Variants in SASH1 observed in about 807,000 individuals in gnomAD.
SASH1 encodes the protein SAM and SH3 domain-containing protein 1.
Under a neutral mutation model 125.2 loss-of-function variants are expected in SASH1, and 44 were observed. That is an observed-to-expected ratio of 0.35 (90% CI 0.28 to 0.45). SASH1 has a LOEUF of 0.45. Ranked by LOEUF, SASH1 falls within the 20% of genes least tolerant of loss-of-function variation. The pLI is 1.00. For synonymous variants in SASH1, 639 were observed against 649.1 expected (o/e 0.98, Z 0.24); for missense variants, 1,426 against 1,614.5 (o/e 0.88, Z 2.00).
At chr6:148,269,438 G>A (rs1779011603), upstream of SASH1, among the ~76,000 whole-genome samples, 1 of 152,100 alleles carries the variant, frequency 6.6e-6, no homozygotes, top group Non-Finnish European at 1.5e-5. Context: ...CCCAGCAAAT[G>A]TTTCAAATAG....
At chr6:148,497,820 A>G (rs1167064997) in intron 8 of SASH1, among the ~76,000 whole-genome samples, 2 of 152,208 alleles carry the variant, frequency 1.3e-5, no homozygotes, top group African/African-American at 2.4e-5. Flanking sequence ...TGGGTCTGGT[A>G]TGATTTTAGT....
At chr6:148,250,663 A>G in the SASH1 span, among the ~76,000 whole-genome samples, 1 of 152,180 alleles carries the variant, frequency 6.6e-6, no homozygotes, top group Middle Eastern at 3.4e-3. Context: ...TTCCTGTTGA[A>G]TTAATTACTT....
chr6:148,441,663 G>A (rs1337296241), intron 4 of SASH1, among the ~76,000 whole-genome samples: 1 of 152,180 alleles, frequency 6.6e-6, no homozygotes. Context: ...CATGATTCAG[G>A]CTGAGAGCTC....
chr6:148,510,514 C>A (rs1362232233), intron 8 of SASH1, among the ~76,000 whole-genome samples: 3 of 152,074 alleles, frequency 2.0e-5, no homozygotes, highest in African/African-American at 7.2e-5. Context: ...AGTGCTGAAC[C>A]TATTTCTTAG....
At chr6:148,367,120 C>T (rs1782494192) in intron 1 of SASH1, among the ~76,000 whole-genome samples, 1 of 152,028 alleles carries the variant, frequency 6.6e-6, no homozygotes, top group Non-Finnish European at 1.5e-5. Context: ...GGCAGGGTTT[C>T]ACCACATTGG....
At chr6:148,387,958 C>T (rs1783543092) in intron 1 of SASH1, among the ~76,000 whole-genome samples, 1 of 135,062 alleles carries the variant, frequency 7.4e-6, no homozygotes, top group African/African-American at 2.8e-5. Flanking sequence ...TCTTGTTGCC[C>T]AGGCTGGAGT....
At chr6:148,518,893 CCTGGCTGCTCCTAGTGA>C (rs1780629061) in intron 9 of SASH1, among the ~76,000 whole-genome samples, 1 of 152,168 alleles carries the variant, frequency 6.6e-6, no homozygotes, top group African/African-American at 2.4e-5. Context: ...CCTTAAACGC[CCTGGCTGCTCCTAGTGA>C]GGCCTGAGTT....
chr6:148,343,049 CCG>C lies in SASH1; in HGVS notation c.-12_-11del. The C allele has an allele frequency of 7.9e-7, 1 of 1,271,418 alleles. No homozygotes were observed. The highest frequency in any genetic ancestry group is 2.6e-5 in the South Asian group (1 of 38,624). The allele number at this position is 1,271,418 out of a possible 1,614,324, so 78.8% of individuals were successfully genotyped here. A position where few individuals can be genotyped will look rare whatever the true frequency, so the allele number is the denominator to read the frequency against. On this transcript the variant is annotated 5_prime_UTR_variant, in exon 1 of 20. Coordinates refer to ENST00000367467, the MANE Select transcript of SASH1 (RefSeq NM_015278.5). ...CGCCGCGGGGACTGGGACGCACGGC[CCG>C]CGCGCGGGACACGGCCATGGAGGAC... is the stretch of plus-strand genomic sequence containing the variant.
chr6:148,319,145 G>A (rs1780571071), intron 1 of SASH1, among the ~76,000 whole-genome samples: 1 of 139,724 alleles, frequency 7.2e-6, no homozygotes, highest in African/African-American at 2.7e-5. Flanking sequence ...CCATTCTCCT[G>A]CCTCAGCCTC....
intron 9 of SASH1, among the ~76,000 whole-genome samples, chr6:148,517,805 C>A (rs1780530192): frequency 6.6e-6 from 1 of 152,170 alleles, no homozygotes; most frequent in South Asian, 2.1e-4. Context: ...AGCACAGAGC[C>A]CAGAAAATGT....
the SASH1 span, among the ~76,000 whole-genome samples, chr6:148,236,138 C>T: frequency 6.6e-6 from 1 of 152,244 alleles, no homozygotes; most frequent in East Asian, 1.9e-4. Context: ...GAAACTATCC[C>T]AAGCTATTCC....
chr6:148,246,480 C>T, the SASH1 span, among the ~76,000 whole-genome samples: 1 of 152,128 alleles, frequency 6.6e-6, no homozygotes, highest in Non-Finnish European at 1.5e-5. Context: ...CACATTTTTC[C>T]ATAAAGGGAT....
intron 8 of SASH1, among the ~76,000 whole-genome samples, chr6:148,501,740 C>T (rs1779568789): frequency 6.6e-6 from 1 of 152,156 alleles, no homozygotes; most frequent in African/African-American, 2.4e-5. Flanking sequence ...CACTCTCTCC[C>T]CCCACCCATT....
chr6:148,495,993 G>A lies in SASH1; in HGVS notation c.729+8278G>A, dbSNP rs1489710117. Among the ~76,000 whole-genome samples the A allele has an allele frequency of 2.0e-5, 3 of 147,582 alleles. No individual in the cohort carries two copies. Among genetic ancestry groups the A allele is most frequent in the Admixed American group, 6.9e-5 (1 of 14,534 alleles). On this transcript the variant is annotated intron_variant, in intron 8 of 19. Coordinates refer to ENST00000367467, the MANE Select transcript of SASH1 (RefSeq NM_015278.5). This position sits in a 1 kb window ranked among gnomAD's most constrained non-coding sequence, Gnocchi z 4.0. Reference sequence around the variant, plus strand: ...TGGGATTACAGGCGCACGCCATCACGCCTGGCTAATTTTTTTTTTTTTTTT... The same window carrying A: ...TGGGATTACAGGCGCACGCCATCACACCTGGCTAATTTTTTTTTTTTTTTT...
intron 1 of SASH1, among the ~76,000 whole-genome samples, chr6:148,360,604 G>GC (rs1782153045): frequency 6.8e-6 from 1 of 146,058 alleles, no homozygotes; most frequent in African/African-American, 2.5e-5. Context: ...TGCCACCTTG[G>GC]CCCCCCAGTG....
the SASH1 span, among the ~76,000 whole-genome samples, chr6:148,231,484 T>C: frequency 1.3e-5 from 2 of 152,174 alleles, no homozygotes; most frequent in Non-Finnish European, 2.9e-5. Flanking sequence ...CATGATCAGC[T>C]TAGGACAACA....
intron 2 of SASH1, among the ~76,000 whole-genome samples, chr6:148,413,633 G>A (rs1438317347): frequency 6.6e-6 from 1 of 152,230 alleles, no homozygotes; most frequent in Non-Finnish European, 1.5e-5. Context: ...CTAGCTTGAT[G>A]TGTGGCCTGA....
At chr6:148,323,053 G>A (rs530881162) in intron 1 of SASH1, among the ~76,000 whole-genome samples, 3 of 144,760 alleles carry the variant, frequency 2.1e-5, no homozygotes, top group Admixed American at 1.4e-4. Flanking sequence ...TTGAGACAGG[G>A]TTCTAGCTCC....
chr6:148,465,645 T>C (rs904692534), intron 4 of SASH1, among the ~76,000 whole-genome samples: 1 of 151,652 alleles, frequency 6.6e-6, no homozygotes, highest in African/African-American at 2.4e-5. Context: ...ACAGAAAACA[T>C]GTTTAACCAG....
Sources: gnomAD v4.1 joint callset for allele counts (sites outside exome capture counted in the v4.1 genomes callset) on GRCh38, gnomAD v4.1.1 for gene constraint, Gnocchi (gnomAD v3.1) non-coding constraint, MANE v1.5 for transcripts, NCBI Gene and HGNC (gene_info 2026-07-23, HGNC 2026-07-21) for gene names.